Variants in MALRD1 observed in about 807,000 individuals in gnomAD.
The protein encoded by MALRD1 is MAM and LDL receptor class A domain containing 1.
MALRD1 carries 247 observed loss-of-function variants against 242.1 expected under a neutral mutation model. The observed-to-expected ratio is 1.02, with a 90% confidence interval of 0.92 to 1.13. The LOEUF is 1.13. Ranked by LOEUF, MALRD1 falls within the 50% of genes most tolerant of loss-of-function variation. The probability of loss-of-function intolerance (pLI) is 0.00; values close to 1 mark genes in which losing one functional copy is unlikely to be tolerated. For missense variants in MALRD1, 2,989 were observed against 2,533.1 expected (o/e 1.18, Z -3.86); for synonymous variants, 995 against 866.6 (o/e 1.15, Z -2.60).
At chr10:19,624,878 GAAAA>G (rs145042762) in intron 36 of MALRD1, among the ~76,000 whole-genome samples, 17 of 119,926 alleles carry the variant, frequency 1.4e-4, no homozygotes, top group East Asian at 1.0e-3. Context: ...CTCAAAAAAG[GAAAA>G]AAAAAAAAAA....
At chr10:19,134,372 A>G (rs1217535224) in intron 9 of MALRD1, among the ~76,000 whole-genome samples, 1 of 152,270 alleles carries the variant, frequency 6.6e-6, no homozygotes, top group Non-Finnish European at 1.5e-5. Context: ...TATGAAACAT[A>G]CATAGGCTCA....
chr10:19,676,480 A>G (rs1203114610), intron 36 of MALRD1, among the ~76,000 whole-genome samples: 1 of 152,200 alleles, frequency 6.6e-6, no homozygotes, highest in Non-Finnish European at 1.5e-5. Context: ...TTTTTAATAT[A>G]AAATTCTTAT....
chr10:19,421,390 A>G (rs941379262), intron 28 of MALRD1, among the ~76,000 whole-genome samples: 1 of 152,190 alleles, frequency 6.6e-6, no homozygotes, highest in Non-Finnish European at 1.5e-5. Flanking sequence ...TCACTAACTT[A>G]AGTAGGGAAT....
chr10:19,393,595 G>A (rs1169224258), intron 28 of MALRD1, among the ~76,000 whole-genome samples: 2 of 150,248 alleles, frequency 1.3e-5, no homozygotes, highest in East Asian at 2.0e-4. Context: ...ACAGGCGCCG[G>A]CCACCACGCC....
intron 36 of MALRD1, among the ~76,000 whole-genome samples, chr10:19,651,776 G>A (rs577253104): frequency 6.6e-6 from 1 of 152,334 alleles, no homozygotes; most frequent in South Asian, 2.1e-4. Context: ...AGATCAGAGA[G>A]TGGGGCTTGA....
Position 19,626,931 on chromosome 10 carries a change from T to C in MALRD1, c.6137+11008T>C, listed in dbSNP as rs181223538. Among the ~76,000 whole-genome samples the C allele has an allele frequency of 3.2e-3, 480 of 152,230 alleles. 4 individuals carry two copies. Among genetic ancestry groups the C allele is most frequent in the African/African-American group, 9.2e-3 (384 of 41,550 alleles). On this transcript the variant is annotated intron_variant, in intron 36 of 39. Coordinates refer to ENST00000454679, the MANE Select transcript of MALRD1 (RefSeq NM_001142308.3). ...TTAAAGCCAAAATTATGAAATGGTA[T>C]TTACAATACTTGACAATACAGCTTG... is the stretch of plus-strand genomic sequence containing the variant.
At chr10:19,141,496 T>A (rs373002912) in intron 10 of MALRD1, among the ~76,000 whole-genome samples, 5 of 152,144 alleles carry the variant, frequency 3.3e-5, no homozygotes, top group Non-Finnish European at 7.3e-5. Flanking sequence ...CCTAATACCA[T>A]AGAAGCTTAC....
chr10:19,602,352 C>T (rs555419666), intron 34 of MALRD1, among the ~76,000 whole-genome samples: 7 of 131,608 alleles, frequency 5.3e-5, no homozygotes, highest in Non-Finnish European at 1.6e-5. Context: ...CCCCTCCCCC[C>T]ACCCTATGAC....
chr10:19,094,937 G>C lies in MALRD1; in HGVS notation c.597+6752G>C, dbSNP rs1202220232. 2.0e-5 allele frequency among the ~76,000 whole-genome samples: 3 copies of C among 152,156 alleles called. No homozygotes were observed. In the Middle Eastern group the frequency reaches 0.01, roughly 525 times the overall value. ...AGAATTATTGCCTATTTTAACATTTGGGACAATCAAACAAAATTTTCCTGT... is the reference window on the plus strand; with the variant it reads ...AGAATTATTGCCTATTTTAACATTTCGGACAATCAAACAAAATTTTCCTGT... On this transcript the variant is annotated intron_variant, in intron 4 of 39. Coordinates refer to ENST00000454679, the MANE Select transcript of MALRD1 (RefSeq NM_001142308.3).
chr10:19,063,710 A>G (rs1248382216), intron 1 of MALRD1, among the ~76,000 whole-genome samples: 1 of 151,138 alleles, frequency 6.6e-6, no homozygotes, highest in African/African-American at 2.4e-5. Context: ...GGTTGGTTCC[A>G]AGTGTTCTCA....
chr10:19,456,793 A>T, intron 29 of MALRD1, among the ~76,000 whole-genome samples: 1 of 70,188 alleles, frequency 1.4e-5, no homozygotes, highest in African/African-American at 6.1e-5. Context: ...ATTTATTTTG[A>T]GACAGAGTCT....
At chr10:19,154,762 A>G (rs980455107) in intron 11 of MALRD1, among the ~76,000 whole-genome samples, 3 of 152,214 alleles carry the variant, frequency 2.0e-5, no homozygotes, top group Non-Finnish European at 2.9e-5. Context: ...CCTGTTGAAT[A>G]TCTAATTGTC....
chr10:19,714,877 A>G (rs1834311741), intron 38 of MALRD1, among the ~76,000 whole-genome samples: 1 of 151,984 alleles, frequency 6.6e-6, no homozygotes, highest in Admixed American at 6.6e-5. Flanking sequence ...TGAAACTATC[A>G]CCCCTACCCT....
At chr10:19,712,943 ATC>A (rs1834205947) in intron 38 of MALRD1, among the ~76,000 whole-genome samples, 1 of 152,198 alleles carries the variant, frequency 6.6e-6, no homozygotes, top group Non-Finnish European at 1.5e-5. Context: ...TTGAAGGAAT[ATC>A]TCTGTTTTTG....
intron 24 of MALRD1, among the ~76,000 whole-genome samples, chr10:19,345,677 A>T (rs1258293173): frequency 6.6e-6 from 1 of 152,008 alleles, no homozygotes; most frequent in Non-Finnish European, 1.5e-5. Context: ...ATGTATCTCT[A>T]TCCTTGAAGA....
intron 31 of MALRD1, among the ~76,000 whole-genome samples, chr10:19,502,673 G>A (rs962874695): frequency 2.0e-5 from 3 of 152,062 alleles, no homozygotes; most frequent in African/African-American, 7.2e-5. Flanking sequence ...CTAAGATCTG[G>A]ACAATAACGT....
intron 25 of MALRD1, among the ~76,000 whole-genome samples, chr10:19,348,242 A>G (rs1844218803): frequency 6.6e-6 from 1 of 152,132 alleles, no homozygotes; most frequent in Non-Finnish European, 1.5e-5. Context: ...TTCCATAGAT[A>G]CTGAAGTTTG....
chr10:19,651,018 C>G (rs1210948877), intron 36 of MALRD1, among the ~76,000 whole-genome samples: 1 of 152,172 alleles, frequency 6.6e-6, no homozygotes, highest in Non-Finnish European at 1.5e-5. Flanking sequence ...TCTCTAGAAT[C>G]CCTTGTCCAT....
chr10:19,572,957 G>T (rs1250449250), intron 33 of MALRD1, among the ~76,000 whole-genome samples: 1 of 152,204 alleles, frequency 6.6e-6, no homozygotes, highest in Non-Finnish European at 1.5e-5. Context: ...AAGCATAAAT[G>T]TCTGGTGTTT....
Sources: gnomAD v4.1 joint callset for allele counts (sites outside exome capture counted in the v4.1 genomes callset) on GRCh38, gnomAD v4.1.1 for gene constraint, MANE v1.5 for transcripts, NCBI Gene and HGNC (gene_info 2026-07-23, HGNC 2026-07-21) for gene names.